The following CNTLN variants were observed in gnomAD, a reference collection of about 807,000 sequenced individuals.
CNTLN encodes centlein.
CNTLN carries 212 observed loss-of-function variants against 180.0 expected under a neutral mutation model. The observed-to-expected ratio is 1.18, with a 90% CI of 1.05 to 1.32. The LOEUF is 1.32. CNTLN is among the 40% of genes most tolerant of loss of function. The pLI, the probability that CNTLN is intolerant of heterozygous loss-of-function variation, is 0.00. For synonymous variants in CNTLN, 722 were observed against 563.1 expected, an observed-to-expected ratio of 1.28 and a Z score of -3.99; for missense variants, 2,095 against 1,610.9, an observed-to-expected ratio of 1.30 and a Z score of -5.14.
In CNTLN at chr9:17,463,117, C is replaced by T. The variant is rs910276876; in HGVS notation, c.3404+104C>T. 4 of 637,404 alleles carry T rather than the reference C, an allele frequency of 6.3e-6. No homozygotes were observed. In the Admixed American group the frequency reaches 1.3e-4, roughly 21 times the overall value. 39.5% of individuals were successfully genotyped at this position (637,404 alleles called of 1,614,324 possible). ...CTGCTAATGTTTACGTTTTCCTTCC[C>T]TAGTTCATATTTAAACCTACCTAAG... On this transcript the variant is annotated intron_variant, in intron 20 of 25. Coordinates refer to ENST00000380647, the MANE Select transcript of CNTLN (RefSeq NM_017738.4).
intron 5 of CNTLN, among the ~76,000 whole-genome samples, chr9:17,240,717 C>T (rs955946634): frequency 1.3e-4 from 19 of 151,952 alleles, no homozygotes; most frequent in Non-Finnish European, 2.6e-4. Context: ...TTATTGATTG[C>T]CCTCTTTGCT....
chr9:17,498,009 TAAA>T (rs1055321194), intron 25 of CNTLN, among the ~76,000 whole-genome samples: 1 of 152,180 alleles, frequency 6.6e-6, no homozygotes, highest in African/African-American at 2.4e-5. Flanking sequence ...ATATAATTCA[TAAA>T]ATTTTATATT....
intron 23 of CNTLN, among the ~76,000 whole-genome samples, chr9:17,480,411 A>G (rs10963115): frequency 0.055 from 8,379 of 152,140 alleles, 401 homozygotes; most frequent in African/African-American, 0.12. Context: ...TGTGAAGAAA[A>G]TGTAGAAATT....
At chr9:17,283,413 T>C (rs1263800494) in intron 6 of CNTLN, among the ~76,000 whole-genome samples, 1 of 152,154 alleles carries the variant, frequency 6.6e-6, no homozygotes, top group Non-Finnish European at 1.5e-5. Flanking sequence ...ATTGTTAGTG[T>C]ATGGGAATGC....
intron 2 of CNTLN, chr9:17,167,508 G>A (rs1377260498): frequency 6.6e-6 from 1 of 152,238 alleles, no homozygotes; most frequent in African/African-American, 2.4e-5. Flanking sequence ...AAGGTGCATA[G>A]GCTGTTAAGG....
chr9:17,163,998 A>T (rs1460104999), intron 2 of CNTLN, among the ~76,000 whole-genome samples: 1 of 151,698 alleles, frequency 6.6e-6, no homozygotes, highest in Non-Finnish European at 1.5e-5. Context: ...CAGCCTGGGC[A>T]ACAGAGCAAG....
chr9:17,153,670 C>G (rs1819056876), intron 2 of CNTLN, among the ~76,000 whole-genome samples: 1 of 152,068 alleles, frequency 6.6e-6, no homozygotes, highest in African/African-American at 2.4e-5. Flanking sequence ...TTGTGGCATT[C>G]TCTCTATTTC....
chr9:17,287,182 T>C (rs1450652969), intron 6 of CNTLN, among the ~76,000 whole-genome samples: 3 of 150,526 alleles, frequency 2.0e-5, no homozygotes, highest in African/African-American at 7.4e-5. Context: ...ATACGTCCCA[T>C]CAATACCTAA....
At chr9:17,505,390 TCAAAA>T (rs1020980059), downstream of CNTLN, among the ~76,000 whole-genome samples, 2 of 151,510 alleles carry the variant, frequency 1.3e-5, no homozygotes, top group African/African-American at 2.4e-5. Context: ...AAATAACCAC[TCAAAA>T]CAAAAACAAA....
chr9:17,340,768 A>T, intron 10 of CNTLN, 59 bp from the exon 11 acceptor site: 1 of 1,428,564 alleles, frequency 7.0e-7, no homozygotes, highest in Non-Finnish European at 9.4e-7. Context: ...CTTTTATTTG[A>T]AACATTATAT....
intron 2 of CNTLN, among the ~76,000 whole-genome samples, chr9:17,217,898 T>C (rs1196067506): frequency 5.3e-5 from 8 of 152,122 alleles, no homozygotes; most frequent in Admixed American, 5.2e-4. Flanking sequence ...TTAGAAATGG[T>C]GTTGAATGAG....
At chr9:17,488,795 A>C (rs936832731) in intron 25 of CNTLN, among the ~76,000 whole-genome samples, 8 of 152,136 alleles carry the variant, frequency 5.3e-5, no homozygotes, top group Admixed American at 4.6e-4. Context: ...GCCAGGCAGT[A>C]TTGATTTAAT....
intron 18 of CNTLN, among the ~76,000 whole-genome samples, chr9:17,442,330 A>C (rs2134052542): frequency 6.6e-6 from 1 of 152,336 alleles, no homozygotes; most frequent in African/African-American, 2.4e-5. Flanking sequence ...TTCTGATCAT[A>C]ATGGTATGAA....
At chr9:17,509,700 G>T in the CNTLN span, among the ~76,000 whole-genome samples, 2 of 152,130 alleles carry the variant, frequency 1.3e-5, no homozygotes, top group Non-Finnish European at 2.9e-5. Flanking sequence ...CATAGCCAGG[G>T]TTCATGGATC....
chr9:17,524,334 C>T, the CNTLN span, among the ~76,000 whole-genome samples: 1 of 152,286 alleles, frequency 6.6e-6, no homozygotes, highest in East Asian at 1.9e-4. Context: ...GCCTATATTT[C>T]AGTTTGAGTC....
intron 2 of CNTLN, among the ~76,000 whole-genome samples, chr9:17,196,186 G>C (rs1822117852): frequency 6.6e-6 from 1 of 151,954 alleles, no homozygotes; most frequent in South Asian, 2.1e-4. Flanking sequence ...ACCACACCTG[G>C]CTAATTTTTC....
At chr9:17,201,991 T>G (rs1414185612) in intron 2 of CNTLN, among the ~76,000 whole-genome samples, 1 of 152,222 alleles carries the variant, frequency 6.6e-6, no homozygotes, top group Non-Finnish European at 1.5e-5. Context: ...AATTTCCTTC[T>G]TAACACTGCT....
At chr9:17,507,198 G>A (rs1206389180), downstream of CNTLN, among the ~76,000 whole-genome samples, 1 of 152,062 alleles carries the variant, frequency 6.6e-6, no homozygotes, top group African/African-American at 2.4e-5. Flanking sequence ...GTATTTGTGT[G>A]TACCCAATGT....
intron 2 of CNTLN, among the ~76,000 whole-genome samples, chr9:17,151,344 T>C (rs983387646): frequency 6.6e-6 from 1 of 152,116 alleles, no homozygotes; most frequent in East Asian, 1.9e-4. Flanking sequence ...TTATTGAGAG[T>C]TTTTGGCATG....
Sources: gnomAD v4.1 joint callset for allele counts (sites outside exome capture counted in the v4.1 genomes callset) on GRCh38, gnomAD v4.1.1 for gene constraint, MANE v1.5 for transcripts, NCBI Gene and HGNC (gene_info 2026-07-23, HGNC 2026-07-21) for gene names.